The following ABI1 variants were observed in gnomAD, a reference collection of about 807,000 sequenced individuals.
The protein encoded by ABI1 is Abelson interactor 1.
ABI1 carries 14 observed loss-of-function variants against 54.6 expected under a neutral mutation model. That is an observed-to-expected ratio of 0.26 (90% CI 0.17 to 0.40). The LOEUF is 0.40. Among genes scored for constraint, ABI1 ranks in the 10% least tolerant of loss-of-function variants. ABI1 has a pLI of 1.00. For synonymous variants in ABI1, 194 were observed against 209.3 expected, an observed-to-expected ratio of 0.93 and a Z score of 0.63; for missense variants, 443 against 598.3, an observed-to-expected ratio of 0.74 and a Z score of 2.71.
intron 1 of ABI1, among the ~76,000 whole-genome samples, chr10:26,835,615 TACACACAC>T (rs144455739): frequency 0.26 from 39,467 of 149,348 alleles, 5,911 homozygotes; most frequent in South Asian, 0.44. Context: ...TAATTTTAAA[TACACACAC>T]ACACACACAC....
At chr10:26,816,430 A>G (rs947432890) in intron 2 of ABI1, among the ~76,000 whole-genome samples, 4 of 152,246 alleles carry the variant, frequency 2.6e-5, no homozygotes, top group Non-Finnish European at 5.9e-5. Context: ...TACAGATAAA[A>G]TGATACCCAT....
At chr10:26,790,763 G>C (rs1030890596) in intron 2 of ABI1, 7 of 152,134 alleles carry the variant, frequency 4.6e-5, no homozygotes, top group African/African-American at 7.2e-5. Flanking sequence ...GGTAATGCAA[G>C]AGGCATAATA....
chr10:26,746,865 T>C lies in ABI1; in HGVS notation c.*1705A>G. On this transcript the variant is annotated 3_prime_UTR_variant, in exon 11 of 11. Transcript: ENST00000376140. ...TGTGAAGTCTGCATTGAAGTCCACA[T>C]GAGTTATATTTTAACAGTATCCAAA... 3.0e-6 allele frequency: 1 copy of C among 335,968 alleles called. No homozygotes were observed. Among genetic ancestry groups the C allele is most frequent in the Middle Eastern group, 8.9e-4 (1 of 1,120 alleles). The allele number at this position is 335,968 out of a possible 1,614,324, so 20.8% of individuals were successfully genotyped here.
At chr10:26,857,156 C>A (rs1476166861) in intron 1 of ABI1, among the ~76,000 whole-genome samples, 1 of 151,738 alleles carries the variant, frequency 6.6e-6, no homozygotes, top group Non-Finnish European at 1.5e-5. Flanking sequence ...CCTGCCTCTG[C>A]TAAAAACACA....
At chr10:26,811,888 C>T (rs1378449510) in intron 2 of ABI1, among the ~76,000 whole-genome samples, 1 of 152,016 alleles carries the variant, frequency 6.6e-6, no homozygotes, top group African/African-American at 2.4e-5. Context: ...CTTAACAGTT[C>T]TGGTGGCCAG....
Position 26,759,250 on chromosome 10 carries a change from T to C in ABI1, c.821-12A>G. ...TGAGCCCGGGGCTGCTGAAAAGCAT[T>C]AGTCAAAGGCAACCAACAAAGAGAC... is the stretch of plus-strand genomic sequence containing the variant. On this transcript the variant is annotated splice_polypyrimidine_tract_variant and intron_variant, in intron 7 of 10. Transcript: ENST00000376140. 2 of 1,611,670 alleles carry C rather than the reference T, an allele frequency of 1.2e-6. No individual in the cohort carries two copies. The highest frequency in any genetic ancestry group is 1.7e-6 in the Non-Finnish European group (2 of 1,179,004).
At chr10:26,768,173 T>C (rs1260153738) in intron 6 of ABI1, among the ~76,000 whole-genome samples, 1 of 152,208 alleles carries the variant, frequency 6.6e-6, no homozygotes, top group Non-Finnish European at 1.5e-5. Context: ...AATCACGTTG[T>C]ATAATTCCTA....
At position 26,843,050 on chromosome 10, in the gene ABI1, T is replaced by C. The variant is rs539484753; in HGVS notation, c.117+17697A>G. Among the ~76,000 whole-genome samples the C allele has an allele frequency of 4.6e-5, 7 of 151,370 alleles. No homozygotes were observed. In the South Asian group the frequency reaches 1.3e-3, roughly 27 times the overall value. On this transcript the variant is annotated intron_variant, in intron 1 of 10. Coordinates refer to ENST00000376140, the MANE Select transcript of ABI1 (RefSeq NM_001012750.3). ...CAGAGCAAGACTCCATCTTAAAAAG[T>C]AAATAAATAAATAATAAATTAGAGC...
intron 2 of ABI1, among the ~76,000 whole-genome samples, chr10:26,817,723 C>A (rs1588969145): frequency 6.6e-6 from 1 of 151,998 alleles, no homozygotes; most frequent in African/African-American, 2.4e-5. Context: ...CATATTCTGC[C>A]ACAATAATAA....
At chr10:26,763,014 T>A (rs769041812) in intron 7 of ABI1, among the ~76,000 whole-genome samples, 1 of 152,224 alleles carries the variant, frequency 6.6e-6, no homozygotes, top group African/African-American at 2.4e-5. Flanking sequence ...GGATATAAAA[T>A]AGTATCTCAC....
At chr10:26,856,423 A>G (rs1363903725) in intron 1 of ABI1, among the ~76,000 whole-genome samples, 1 of 118,394 alleles carries the variant, frequency 8.4e-6, no homozygotes, top group Non-Finnish European at 1.6e-5. Flanking sequence ...CTAACTGTCC[A>G]TCTGTTACTC....
chr10:26,770,356 G>T lies in ABI1; in HGVS notation c.478-11C>A, dbSNP rs757460423. The T allele has an allele frequency of 3.1e-6, 5 of 1,607,410 alleles. No homozygotes were observed. The highest frequency in any genetic ancestry group is 3.4e-6 in the Non-Finnish European group (4 of 1,173,968). On this transcript the variant is annotated splice_polypyrimidine_tract_variant and intron_variant, in intron 4 of 10. Coordinates refer to ENST00000376140, the MANE Select transcript of ABI1 (RefSeq NM_001012750.3). ...CTGGTTATTTCCATGCTAAAATGTA[G>T]AAAGAAATGCTTTTATTTTTATATC...
At chr10:26,847,699 C>A (rs575218940) in intron 1 of ABI1, among the ~76,000 whole-genome samples, 3 of 151,858 alleles carry the variant, frequency 2.0e-5, no homozygotes, top group Non-Finnish European at 4.4e-5. Context: ...GCTTCTCAAA[C>A]CTTTTAAAAG....
chr10:26,780,714 C>T (rs908153483), intron 2 of ABI1, among the ~76,000 whole-genome samples: 4 of 152,166 alleles, frequency 2.6e-5, no homozygotes, highest in Non-Finnish European at 5.9e-5. Flanking sequence ...AGACCACACA[C>T]ACCTGGGTAG....
chr10:26,758,121 C>T (rs1271466887), intron 8 of ABI1, among the ~76,000 whole-genome samples: 1 of 124,940 alleles, frequency 8.0e-6, no homozygotes, highest in East Asian at 2.4e-4. Flanking sequence ...CTTTAAAATA[C>T]ATATACAGGT....
In ABI1 at chr10:26,747,341, T is replaced by TTTGA. The variant is rs1185974423; in HGVS notation, c.*1225_*1228dup. On this transcript the variant is annotated 3_prime_UTR_variant, in exon 11 of 11. Coordinates refer to ENST00000376140, the MANE Select transcript of ABI1 (RefSeq NM_001012750.3). ...GACACACAAAGTGCATGTGTTGCAT[T>TTTGA]TTGATTATGTCAAAAGACAATCCAA... 1 of 225,496 alleles carries TTTGA rather than the reference T, an allele frequency of 4.4e-6. No individual in the cohort carries two copies. Among genetic ancestry groups the TTTGA allele is most frequent in the African/African-American group, 2.2e-5 (1 of 44,980 alleles). The allele number at this position is 225,496 out of a possible 1,614,324, so 14.0% of individuals were successfully genotyped here.
chr10:26,860,744 C>T lies in ABI1; in HGVS notation c.117+3G>A. 1.2e-6 allele frequency: 2 copies of T among 1,612,668 alleles called. No individual in the cohort carries two copies. Among genetic ancestry groups the T allele is most frequent in the South Asian group, 1.1e-5 (1 of 91,052 alleles). On this transcript the variant is annotated splice_donor_region_variant and intron_variant, in intron 1 of 10. Coordinates refer to ENST00000376140, the MANE Select transcript of ABI1 (RefSeq NM_001012750.3). The surrounding 1 kb of genome is among the most constrained non-coding windows in gnomAD (Gnocchi z 4.1). ...GCGCCCGCCGGCCGCCAGAGCGCCT[C>T]ACCTGTATGTAGTTGTTTTCACAGT...
At chr10:26,789,034 G>A (rs1053542371) in intron 2 of ABI1, 2 of 151,536 alleles carry the variant, frequency 1.3e-5, no homozygotes, top group Admixed American at 1.3e-4. Context: ...TTCTTGGCAG[G>A]AACTTGTAGT....
At chr10:26,799,511 A>G (rs2046405178) in intron 2 of ABI1, among the ~76,000 whole-genome samples, 2 of 152,220 alleles carry the variant, frequency 1.3e-5, no homozygotes, top group South Asian at 2.1e-4. Flanking sequence ...AACTGCACAT[A>G]AAACTGCAGG....
Sources: gnomAD v4.1 joint callset for allele counts (sites outside exome capture counted in the v4.1 genomes callset) on GRCh38, gnomAD v4.1.1 for gene constraint, Gnocchi (gnomAD v3.1) non-coding constraint, MANE v1.5 for transcripts, NCBI Gene and HGNC (gene_info 2026-07-23, HGNC 2026-07-21) for gene names.